SLC6A2: variants seen among roughly 807,000 people sequenced by gnomAD.
The protein encoded by SLC6A2 is solute carrier family 6 member 2.
In SLC6A2, 26 loss-of-function variants were observed where a neutral mutation model predicts 71.7. The observed-to-expected ratio is 0.36, with a 90% CI of 0.27 to 0.50. The LOEUF is 0.50. Among genes scored for constraint, SLC6A2 ranks in the 20% least tolerant of loss-of-function variants. SLC6A2 has a pLI of 0.96. For missense variants in SLC6A2, 581 were observed against 803.9 expected (o/e 0.72, Z 3.35); for synonymous variants, 363 against 337.9 (o/e 1.07, Z -0.82).
chr16:55,667,958 C>T (rs1305061087), intron 2 of SLC6A2, among the ~76,000 whole-genome samples: 1 of 152,176 alleles, frequency 6.6e-6, no homozygotes, highest in Non-Finnish European at 1.5e-5. Flanking sequence ...TCAGTTTCCT[C>T]ATCTGAAAAA....
intron 7 of SLC6A2, 94 bp downstream of exon 7, chr16:55,694,207 C>T: frequency 1.1e-6 from 1 of 950,840 alleles, no homozygotes; most frequent in Non-Finnish European, 1.7e-6. Context: ...AGCCAACTCT[C>T]CCTGGGCAAG....
intron 2 of SLC6A2, among the ~76,000 whole-genome samples, chr16:55,657,903 G>A (rs1964503703): frequency 9.5e-6 from 1 of 105,492 alleles, no homozygotes; most frequent in African/African-American, 3.2e-5. Flanking sequence ...TCCTTCCTGA[G>A]GGGCTTTGCT....
chr16:55,672,194 G>C lies in SLC6A2; in HGVS notation c.644+19G>C. 5.6e-6 allele frequency: 9 copies of C among 1,614,162 alleles called. No individual in the cohort carries two copies. Among genetic ancestry groups the C allele is most frequent in the Non-Finnish European group, 7.6e-6 (9 of 1,180,038 alleles). On this transcript the variant is annotated intron_variant, in intron 4 of 14. Transcript: ENST00000568943. ...TTTATGAGTAAGTCACAGACCCCTT[G>C]TGCTGGGCCTGTTGAGGCCAGTGCT...
intron 2 of SLC6A2, among the ~76,000 whole-genome samples, chr16:55,665,666 A>G (rs1283726618): frequency 4.0e-5 from 6 of 149,566 alleles, no homozygotes; most frequent in Non-Finnish European, 8.9e-5. Flanking sequence ...TGCACCCCTC[A>G]CTGAACCCTT....
At position 55,687,472 on chromosome 16, in the gene SLC6A2, G is replaced by A. The variant is rs559221476; in HGVS notation, c.783+2191G>A. ...GGGTCTACAAAGTCAGGTGCAGGTA[G>A]AGGTGGGGTGGAAGGAAGGGATTCT... On this transcript the variant is annotated intron_variant, in intron 5 of 14. Coordinates refer to ENST00000568943, the MANE Select transcript of SLC6A2 (RefSeq NM_001172501.3). Among the ~76,000 whole-genome samples the A allele has an allele frequency of 5.3e-5, 8 of 152,322 alleles. No individual in the cohort carries two copies. The South Asian group carries it at 1.7e-3, about 32-fold the overall frequency.
At chr16:55,671,815 C>T (rs371685190) in intron 3 of SLC6A2, 123 bp from the exon 4 acceptor site, 41 of 1,521,612 alleles carry the variant, frequency 2.7e-5, no homozygotes, top group East Asian at 1.2e-4. Context: ...GGTTGGGGAC[C>T]GCTGTTCTGC....
At chr16:55,692,197 T>C (rs1174043056) in intron 6 of SLC6A2, 145 bp downstream of exon 6, 3 of 967,642 alleles carry the variant, frequency 3.1e-6, no homozygotes, top group Non-Finnish European at 3.2e-6. Context: ...GAGGTGCAGC[T>C]TCCCCATCTG....
rs775219126 is a variant in SLC6A2 at position 55,669,580 on chromosome 16, C to T, written c.290C>T (p.Pro97Leu). 1.9e-6 allele frequency: 3 copies of T among 1,614,008 alleles called. No homozygotes were observed. The highest frequency in any genetic ancestry group is 1.7e-5 in the Admixed American group (1 of 60,026). ...YKNGGGAFLI[P>L]YTLFLIIAGM... is the part of the protein sequence containing the mutation. The stretch of plus-strand genomic sequence containing the variant: ...TGTCCTCCAGGTGCCTTCTTGATCC[C>T]GTACACACTGTTCCTTATCATCGCG... The change falls in exon 3 of 15, where the codon CCG becomes CTG. Residue 97 changes from proline (P) to leucine (L), a missense_variant. By Grantham distance (98) the Pro-to-Leu change is moderately conservative. Around this residue, in one of 5 missense-constraint regions of SLC6A2, gnomAD observed 81 missense variants for 152.4 expected, o/e 0.53. Transcript: ENST00000568943.
chr16:55,679,417 C>T lies in SLC6A2; in HGVS notation c.645-5726C>T, dbSNP rs202008644. Among the ~76,000 whole-genome samples the T allele has an allele frequency of 1.9e-4, 29 of 152,082 alleles. No homozygotes were observed. The East Asian group carries it at 4.9e-3, about 25-fold the overall frequency. On this transcript the variant is annotated intron_variant, in intron 4 of 14. Coordinates refer to ENST00000568943, the MANE Select transcript of SLC6A2 (RefSeq NM_001172501.3). Reference sequence around the variant, plus strand: ...AATTTTTGTATTTTTAGCAGAGAGGCGGTTTCACCATGTTGACCAGACTGA... The same window carrying T: ...AATTTTTGTATTTTTAGCAGAGAGGTGGTTTCACCATGTTGACCAGACTGA...
intron 4 of SLC6A2, among the ~76,000 whole-genome samples, chr16:55,674,661 G>A (rs1644771038): frequency 6.6e-6 from 1 of 152,130 alleles, no homozygotes; most frequent in South Asian, 2.1e-4. Flanking sequence ...CTGACCTCAG[G>A]TGATCCACCT....
chr16:55,684,031 C>T (rs1316743401), intron 4 of SLC6A2, among the ~76,000 whole-genome samples: 1 of 152,124 alleles, frequency 6.6e-6, no homozygotes, highest in African/African-American at 2.4e-5. Flanking sequence ...GGTGTGGTGG[C>T]TCACACCTAT....
chr16:55,682,727 G>T (rs3785153), intron 4 of SLC6A2, among the ~76,000 whole-genome samples: 149 of 152,196 alleles, frequency 9.8e-4, no homozygotes, highest in Non-Finnish European at 1.8e-3. Flanking sequence ...GGATGATTGG[G>T]GGGCCTCCCA....
At chr16:55,679,922 G>A (rs1427098378) in intron 4 of SLC6A2, among the ~76,000 whole-genome samples, 1 of 152,132 alleles carries the variant, frequency 6.6e-6, no homozygotes, top group African/African-American at 2.4e-5. Flanking sequence ...CTTTGTTGGG[G>A]GACAGGGGTG....
intron 2 of SLC6A2, among the ~76,000 whole-genome samples, chr16:55,659,047 C>A (rs1200989097): frequency 6.6e-6 from 1 of 152,208 alleles, no homozygotes; most frequent in Non-Finnish European, 1.5e-5. Context: ...CAGTGACCGC[C>A]CCAGACTGCT....
Position 55,705,203 on chromosome 16 carries a change from G to A in SLC6A2, c.*2857G>A, listed in dbSNP as rs1966076184. 1.3e-6 allele frequency: 2 copies of A among 1,532,882 alleles called. No individual in the cohort carries two copies. Among genetic ancestry groups the A allele is most frequent in the Non-Finnish European group, 1.7e-6 (2 of 1,143,792 alleles). 95.0% of individuals were successfully genotyped at this position (1,532,882 alleles called of 1,614,324 possible). A position where few individuals can be genotyped will look rare whatever the true frequency, so the allele number is the denominator to read the frequency against. ...CTAGTTATTTAGCACCCACCTTTTA[G>A]CTTTCATTCTAGATGAAAACGAGAC... On this transcript the variant is annotated 3_prime_UTR_variant, in exon 15 of 15. Transcript: ENST00000568943.
At chr16:55,701,754 G>A in intron 13 of SLC6A2, 109 bp from the exon 14 acceptor site, 1 of 810,388 alleles carries the variant, frequency 1.2e-6, no homozygotes, top group South Asian at 1.4e-5. Flanking sequence ...CTATCCATGT[G>A]GGGCTGCAGG....
intron 4 of SLC6A2, among the ~76,000 whole-genome samples, chr16:55,679,425 C>T (rs1194170697): frequency 6.6e-6 from 1 of 152,084 alleles, no homozygotes; most frequent in African/African-American, 2.4e-5. Flanking sequence ...GGCGGTTTCA[C>T]CATGTTGACC....
rs538401122 is a variant in SLC6A2, at chr16:55,698,549, C to T, written c.1470C>T (p.Ile490=). The T allele has an allele frequency of 2.4e-5, 39 of 1,613,220 alleles. No individual in the cohort carries two copies. Among genetic ancestry groups the T allele is most frequent in the Admixed American group, 3.3e-5 (2 of 60,018 alleles). ...TTTTTGCTGTCCTCATGGAAGCCAT[C>T]GGAGTTTCCTGGTTTTATGGTATGT... is the stretch of plus-strand genomic sequence containing the variant. ...SILFAVLMEA[I]GVSWFYGVDR... Residue 490 remains isoleucine, a synonymous_variant, in exon 11 of 15, where the codon ATC becomes ATT. Transcript: ENST00000568943.
intron 7 of SLC6A2, among the ~76,000 whole-genome samples, chr16:55,694,482 AG>A (rs1462186660): frequency 6.6e-6 from 1 of 152,182 alleles, no homozygotes; most frequent in Non-Finnish European, 1.5e-5. Flanking sequence ...CAGGGTCAGA[AG>A]TGAGACTGCA....
Sources: gnomAD v4.1 joint callset for allele counts (sites outside exome capture counted in the v4.1 genomes callset) on GRCh38, gnomAD v4.1.1 for gene constraint, gnomAD v4.1.1 regional missense constraint, MANE v1.5 for transcripts, NCBI Gene and HGNC (gene_info 2026-07-23, HGNC 2026-07-21) for gene names.